CDH8: variants seen among roughly 807,000 people sequenced by gnomAD.
CDH8 encodes the protein cadherin-8.
A neutral mutation model predicts 68.1 loss-of-function variants in CDH8; 17 were observed. The ratio of observed to expected loss-of-function variants is 0.25; its 90% CI spans 0.17 to 0.37. The LOEUF is 0.37. CDH8 is among the 10% of genes least tolerant of loss of function. The pLI is 1.00. For missense variants in CDH8, 763 were observed against 999.3 expected, an observed-to-expected ratio of 0.76 and a Z score of 3.19; for synonymous variants, 372 against 365.1, an observed-to-expected ratio of 1.02 and a Z score of -0.21.
At chr16:61,966,318 T>G in intron 2 of CDH8, among the ~76,000 whole-genome samples, 1 of 115,166 alleles carries the variant, frequency 8.7e-6, no homozygotes, top group East Asian at 6.8e-4. Context: ...GGTGGGCAGA[T>G]CACGATGTCA....
chr16:61,925,768 T>G (rs559130832), intron 2 of CDH8, among the ~76,000 whole-genome samples: 1 of 152,314 alleles, frequency 6.6e-6, no homozygotes, highest in East Asian at 1.9e-4. Flanking sequence ...TCAAGACTCA[T>G]AGTAAATATC....
intron 10 of CDH8, among the ~76,000 whole-genome samples, chr16:61,666,667 C>G (rs1963685161): frequency 6.6e-6 from 1 of 151,824 alleles, no homozygotes; most frequent in Non-Finnish European, 1.5e-5. Context: ...TGACATTTGA[C>G]TTGCAAATTT....
At chr16:61,814,548 GTA>G (rs1309115746) in intron 7 of CDH8, among the ~76,000 whole-genome samples, 1 of 152,186 alleles carries the variant, frequency 6.6e-6, no homozygotes, top group Non-Finnish European at 1.5e-5. Context: ...ACAAATAACT[GTA>G]TGTTTTAGCA....
At position 61,852,852 on chromosome 16, in the gene CDH8, C is replaced by CCCTTCCTTTCTTCCTTCCTTCCTT. The variant is rs1962963926; in HGVS notation, c.667+4266_667+4267insAAGGAAGGAAGGAAGAAAGGAAGG. 6.0e-5 allele frequency among the ~76,000 whole-genome samples: 8 copies of CCCTTCCTTTCTTCCTTCCTTCCTT among 133,176 alleles called. No homozygotes were observed. The South Asian group carries it at 7.8e-4, about 13-fold the overall frequency. 87.4% of individuals were successfully genotyped at this position (133,176 alleles called of 152,430 possible). ...CTTCCTCCAGCTCTCCCTGACTCTG[C>CCCTTCCTTTCTTCCTTCCTTCCTT]CCTTCCTTCCTTCCTTCCTTCCTTC... On this transcript the variant is annotated intron_variant, in intron 4 of 11. Coordinates refer to ENST00000577390, the MANE Select transcript of CDH8 (RefSeq NM_001796.5).
intron 1 of CDH8, among the ~76,000 whole-genome samples, chr16:62,031,732 G>A (rs1478491912): frequency 6.6e-6 from 1 of 151,624 alleles, no homozygotes; most frequent in Non-Finnish European, 1.5e-5. Context: ...TATTGTTTAT[G>A]ATAGGAAATA....
At chr16:61,744,751 C>T (rs762036088) in intron 8 of CDH8, among the ~76,000 whole-genome samples, 6 of 151,134 alleles carry the variant, frequency 4.0e-5, no homozygotes, top group Non-Finnish European at 5.9e-5. Context: ...ATATACATAT[C>T]CTTGATTCAT....
At chr16:61,778,651 G>T (rs117773466) in intron 8 of CDH8, among the ~76,000 whole-genome samples, 1 of 152,076 alleles carries the variant, frequency 6.6e-6, no homozygotes. Context: ...GCTAAAAGAC[G>T]TAGTACTATC....
intron 10 of CDH8, among the ~76,000 whole-genome samples, chr16:61,708,929 T>TGGTG (rs2142862135): frequency 6.6e-6 from 1 of 152,264 alleles, no homozygotes; most frequent in East Asian, 1.9e-4. Context: ...AGTCAACGTT[T>TGGTG]GGTGCTGTGT....
At chr16:61,798,400 T>A (rs1961545723) in intron 7 of CDH8, among the ~76,000 whole-genome samples, 1 of 152,144 alleles carries the variant, frequency 6.6e-6, no homozygotes, top group South Asian at 2.1e-4. Flanking sequence ...GCATAGAACT[T>A]TATATGGTAG....
chr16:61,941,227 C>T lies in CDH8; in HGVS notation c.253-39754G>A, dbSNP rs537070098. 2.3e-4 allele frequency among the ~76,000 whole-genome samples: 35 copies of T among 152,246 alleles called. No individual in the cohort carries two copies. In the South Asian group the frequency reaches 5.6e-3, roughly 24 times the overall value. The stretch of plus-strand genomic sequence containing the variant: ...AGTTTCAGTTGTATGGTGAAATTTC[C>T]GGAGATATGACCTAGAAATGTGGCT... On this transcript the variant is annotated intron_variant, in intron 2 of 11. Transcript: ENST00000577390.
chr16:61,929,849 C>T (rs781025913), intron 2 of CDH8, among the ~76,000 whole-genome samples: 16 of 152,086 alleles, frequency 1.1e-4, no homozygotes, highest in Non-Finnish European at 2.1e-4. Context: ...ATGATCAAGC[C>T]ACTGCACTCC....
At chr16:61,665,989 A>T (rs1042912826) in intron 10 of CDH8, among the ~76,000 whole-genome samples, 4 of 152,024 alleles carry the variant, frequency 2.6e-5, no homozygotes, top group African/African-American at 9.7e-5. Flanking sequence ...GATGCCAGAA[A>T]TAAACAATTC....
chr16:61,811,249 G>A (rs1567481143), intron 7 of CDH8, among the ~76,000 whole-genome samples: 2 of 152,100 alleles, frequency 1.3e-5, no homozygotes, highest in Non-Finnish European at 2.9e-5. Flanking sequence ...ATGAATGAAT[G>A]AGTTTCTGAA....
chr16:61,866,170 G>C (rs1357101283), intron 3 of CDH8, among the ~76,000 whole-genome samples: 4 of 151,974 alleles, frequency 2.6e-5, no homozygotes, highest in Admixed American at 2.6e-4. Flanking sequence ...GCCAGAGTGA[G>C]CTGTGATCAT....
intron 10 of CDH8, among the ~76,000 whole-genome samples, chr16:61,707,952 A>G (rs1179440705): frequency 6.6e-6 from 1 of 152,182 alleles, no homozygotes; most frequent in African/African-American, 2.4e-5. Flanking sequence ...ACAAAGTGGT[A>G]TGGACAAGAC....
intron 8 of CDH8, among the ~76,000 whole-genome samples, chr16:61,777,057 C>CAATG (rs1555509383): frequency 6.6e-6 from 1 of 152,012 alleles, no homozygotes; most frequent in Non-Finnish European, 1.5e-5. Flanking sequence ...AATGAAAAAG[C>CAATG]AATGATTCCA....
chr16:61,803,582 C>T (rs1484903901), intron 7 of CDH8, among the ~76,000 whole-genome samples: 1 of 151,978 alleles, frequency 6.6e-6, no homozygotes, highest in African/African-American at 2.4e-5. Flanking sequence ...ATCTCACGTG[C>T]AGAGACACAC....
At chr16:62,028,400 T>C (rs915628728) in intron 1 of CDH8, among the ~76,000 whole-genome samples, 1 of 152,068 alleles carries the variant, frequency 6.6e-6, no homozygotes, top group Non-Finnish European at 1.5e-5. Context: ...TACTGCCATG[T>C]TACTCCTCTC....
intron 8 of CDH8, among the ~76,000 whole-genome samples, chr16:61,733,836 A>G (rs938149356): frequency 6.6e-6 from 1 of 152,010 alleles, no homozygotes; most frequent in African/African-American, 2.4e-5. Context: ...TGAGCCCTCT[A>G]TATCTCCTCC....
Sources: gnomAD v4.1 joint callset for allele counts (sites outside exome capture counted in the v4.1 genomes callset) on GRCh38, gnomAD v4.1.1 for gene constraint, MANE v1.5 for transcripts, NCBI Gene and HGNC (gene_info 2026-07-23, HGNC 2026-07-21) for gene names.